The following GRAMD2B variants were observed in gnomAD, a reference collection of about 807,000 sequenced individuals.
The protein encoded by GRAMD2B is GRAM domain-containing protein 2B.
In GRAMD2B, 41 loss-of-function variants were observed where a neutral mutation model predicts 59.2. The ratio of observed to expected loss-of-function variants is 0.69; its 90% CI spans 0.54 to 0.90. The LOEUF is 0.90. GRAMD2B is among the 40% of genes least tolerant of loss of function. GRAMD2B has a pLI of 0.00. For missense variants in GRAMD2B, 424 were observed against 500.5 expected, an observed-to-expected ratio of 0.85 and a Z score of 1.46; for synonymous variants, 161 against 182.7, an observed-to-expected ratio of 0.88 and a Z score of 0.96.
At chr5:126,401,758 C>A (rs1757859968) in intron 1 of GRAMD2B, among the ~76,000 whole-genome samples, 1 of 151,988 alleles carries the variant, frequency 6.6e-6, no homozygotes, top group South Asian at 2.1e-4. Flanking sequence ...AAGTTTACTA[C>A]CATATAGAAA....
rs138215510 is a variant in GRAMD2B at position 126,401,050 on chromosome 5, G to C, written c.125+29483G>C. ...TTCTTCCCATTTCTCTTTTCTTTCAGAGGCTCTCGTAATGCATATATAGGT... is the reference window on the plus strand; with the variant it reads ...TTCTTCCCATTTCTCTTTTCTTTCACAGGCTCTCGTAATGCATATATAGGT... On this transcript the variant is annotated intron_variant, in intron 1 of 8. Coordinates refer to the GRAMD2B transcript ENST00000506445. Among the ~76,000 whole-genome samples the C allele has an allele frequency of 5.1e-4, 78 of 152,108 alleles. No individual in the cohort carries two copies. The East Asian group carries it at 0.013, about 26-fold the overall frequency.
At chr5:126,423,075 TG>T, upstream of GRAMD2B, 2 of 730,362 alleles carry the variant, frequency 2.7e-6, no homozygotes, top group South Asian at 6.2e-5. Flanking sequence ...TAATTTAGGA[TG>T]GGGCATAGGC....
Position 126,480,672 on chromosome 5 carries a change from A to G in GRAMD2B, c.700A>G (p.Ser234Gly), listed in dbSNP as rs141891990. ...NSPNPSSAEN[S>G]FRADRPSSLP... ...TCCCAATCCATCTTCTGCTGAAAACAGTTTCCGAGCAGACCGCCCTTCATC... is the reference window on the plus strand; with the variant it reads ...TCCCAATCCATCTTCTGCTGAAAACGGTTTCCGAGCAGACCGCCCTTCATC... Residue 234 changes from serine (S) to glycine (G), a missense_variant, in exon 8 of 14, where the codon AGT (serine) becomes GGT (glycine). Coordinates refer to ENST00000285689, the MANE Select transcript of GRAMD2B (RefSeq NM_023927.4). 61 of 1,614,068 alleles carry G rather than the reference A, an allele frequency of 3.8e-5. No individual in the cohort carries two copies. Among genetic ancestry groups the G allele is most frequent in the Non-Finnish European group, 5.0e-5 (59 of 1,180,012 alleles).
intron 1 of GRAMD2B, among the ~76,000 whole-genome samples, chr5:126,372,897 AAATT>A (rs1754886431): frequency 6.6e-6 from 1 of 152,168 alleles, no homozygotes; most frequent in Admixed American, 6.5e-5. Context: ...ACCAGGAAAA[AAATT>A]AAATTAAATC....
chr5:126,385,395 C>T (rs1756032241), intron 1 of GRAMD2B, among the ~76,000 whole-genome samples: 2 of 152,064 alleles, frequency 1.3e-5, no homozygotes, highest in African/African-American at 4.8e-5. Context: ...ATTTTTACCT[C>T]CATAAATATA....
In GRAMD2B at chr5:126,489,822, A is replaced by G. The variant is rs765727344; in HGVS notation, c.1257+930A>G. On this transcript the variant is annotated intron_variant, in intron 13 of 13. Coordinates refer to ENST00000285689, the MANE Select transcript of GRAMD2B (RefSeq NM_023927.4). ...AGAGAGAATTCAGTGTTCAATTACAACTGCTGTCACAAACGCCCAGTATCT... is the reference window on the plus strand; with the variant it reads ...AGAGAGAATTCAGTGTTCAATTACAGCTGCTGTCACAAACGCCCAGTATCT... Among the ~76,000 whole-genome samples the G allele has an allele frequency of 2.0e-5, 3 of 152,222 alleles. No homozygotes were observed. The South Asian group carries it at 6.2e-4, about 32-fold the overall frequency.
At chr5:126,455,599 G>A (rs12652832) in intron 1 of GRAMD2B, among the ~76,000 whole-genome samples, 45,700 of 151,870 alleles carry the variant, frequency 0.3, 7,247 homozygotes, top group East Asian at 0.59. Flanking sequence ...TAACTACAGT[G>A]TTTCTTTGGA....
chr5:126,488,812 T>C lies in GRAMD2B; in HGVS notation c.1177T>C (p.Ser393Pro). 1 of 1,613,254 alleles carries C rather than the reference T, an allele frequency of 6.2e-7. No individual in the cohort carries two copies. The highest frequency in any genetic ancestry group is 1.1e-5 in the South Asian group (1 of 91,020). The part of the protein sequence containing the change: ...DTHNTEQAAP[S>P]GLRSQVQFNV... The stretch of plus-strand genomic sequence containing the variant: ...TTTTTCTTACAGACAGGCAGCACCA[T>C]CTGGCCTGAGGTCACAAGTACAATT... The change falls in exon 13 of 14, where the codon TCT becomes CCT. Residue 393 changes from serine to proline, a missense_variant. By Grantham distance (74) the Ser-to-Pro change is moderately conservative. Transcript: ENST00000285689.
intron 1 of GRAMD2B, among the ~76,000 whole-genome samples, chr5:126,463,651 A>C (rs940060321): frequency 1.3e-5 from 2 of 152,224 alleles, no homozygotes; most frequent in South Asian, 4.1e-4. Context: ...AAATTGAAGA[A>C]ATAGAAGGTT....
intron 1 of GRAMD2B, among the ~76,000 whole-genome samples, chr5:126,444,328 G>T (rs569605272): frequency 6.6e-6 from 1 of 152,142 alleles, no homozygotes; most frequent in Non-Finnish European, 1.5e-5. Context: ...CCTTTCTTCC[G>T]TGCCCTCTCT....
At chr5:126,492,184 TA>T (rs1376477588) in intron 13 of GRAMD2B, among the ~76,000 whole-genome samples, 2 of 152,208 alleles carry the variant, frequency 1.3e-5, no homozygotes, top group Non-Finnish European at 2.9e-5. Flanking sequence ...TGTTAAATAA[TA>T]ATATCTAATT....
intron 1 of GRAMD2B, among the ~76,000 whole-genome samples, chr5:126,413,041 T>C (rs1345567264): frequency 6.6e-6 from 1 of 152,116 alleles, no homozygotes; most frequent in Non-Finnish European, 1.5e-5. Context: ...ATCTTGTTTA[T>C]CCTTTCAAAA....
At chr5:126,384,580 A>C (rs1027032629) in intron 1 of GRAMD2B, among the ~76,000 whole-genome samples, 2 of 152,262 alleles carry the variant, frequency 1.3e-5, no homozygotes, top group Non-Finnish European at 2.9e-5. Flanking sequence ...ATCTGGAAGC[A>C]GGAATGGGGA....
chr5:126,445,971 G>A (rs1047882523), intron 1 of GRAMD2B, among the ~76,000 whole-genome samples: 5 of 152,122 alleles, frequency 3.3e-5, no homozygotes. Flanking sequence ...GTGCTAGCAA[G>A]AGCCATGTGG....
exon 1 of GRAMD2B, chr5:126,360,444 G>C (rs1185573315): frequency 1.3e-6 from 2 of 1,551,140 alleles, no homozygotes; most frequent in Non-Finnish European, 1.7e-6. Flanking sequence ...AAGCCAGTGG[G>C]TCCGGACCTG....
intron 13 of GRAMD2B, among the ~76,000 whole-genome samples, chr5:126,492,648 G>C (rs1206898818): frequency 6.6e-6 from 1 of 152,112 alleles, no homozygotes; most frequent in Admixed American, 6.5e-5. Context: ...TTGAGCCCAG[G>C]AAGTCAGGGC....
chr5:126,473,710 C>G (rs1770053472), intron 5 of GRAMD2B, among the ~76,000 whole-genome samples: 2 of 152,172 alleles, frequency 1.3e-5, no homozygotes, highest in Non-Finnish European at 2.9e-5. Flanking sequence ...CCATGATTTT[C>G]AAAGACATAC....
chr5:126,375,648 G>A (rs924361640), intron 1 of GRAMD2B, among the ~76,000 whole-genome samples: 5 of 152,076 alleles, frequency 3.3e-5, no homozygotes, highest in Non-Finnish European at 5.9e-5. Flanking sequence ...GAGATTACAG[G>A]CATGAGCCAC....
chr5:126,491,030 G>A (rs1773832856), intron 13 of GRAMD2B, among the ~76,000 whole-genome samples: 1 of 152,158 alleles, frequency 6.6e-6, no homozygotes, highest in African/African-American at 2.4e-5. Flanking sequence ...CAGATAGTGT[G>A]AAGCTGGATC....
Sources: gnomAD v4.1 joint callset for allele counts (sites outside exome capture counted in the v4.1 genomes callset) on GRCh38, gnomAD v4.1.1 for gene constraint, MANE v1.5 for transcripts, NCBI Gene and HGNC (gene_info 2026-07-23, HGNC 2026-07-21) for gene names.